The following LTBP1 variants were observed in gnomAD, a reference collection of about 807,000 sequenced individuals.
LTBP1 encodes latent-transforming growth factor beta-binding protein 1.
A neutral mutation model predicts 207.6 loss-of-function variants in LTBP1; 129 were observed. The observed-to-expected ratio is 0.62, with a 90% confidence interval of 0.54 to 0.72. LTBP1 has a LOEUF of 0.72. Ranked by LOEUF, LTBP1 falls within the 30% of genes least tolerant of loss-of-function variation. The pLI is 0.00. For synonymous variants in LTBP1, 963 were observed against 833.7 expected (o/e 1.16, Z -2.67); for missense variants, 2,281 against 2,217.2 (o/e 1.03, Z -0.58).
chr2:33,169,486 G>A (rs996642094), intron 5 of LTBP1, among the ~76,000 whole-genome samples: 2 of 152,162 alleles, frequency 1.3e-5, no homozygotes, highest in Non-Finnish European at 2.9e-5. Flanking sequence ...GTGGGTAAAA[G>A]CTCCAGATGG....
At chr2:33,315,065 T>A in intron 23 of LTBP1, 79 bp from the exon 24 acceptor site, 1 of 1,155,686 alleles carries the variant, frequency 8.7e-7, no homozygotes. Flanking sequence ...CATAATAGAT[T>A]TATTTGCCAT....
chr2:33,136,913 G>A (rs114968013), intron 5 of LTBP1, among the ~76,000 whole-genome samples: 8 of 152,322 alleles, frequency 5.3e-5, no homozygotes, highest in Non-Finnish European at 1.0e-4. Flanking sequence ...GATCGGCAGA[G>A]CAGTTTAATT....
At chr2:33,370,523 A>G (rs1343900515) in intron 31 of LTBP1, among the ~76,000 whole-genome samples, 2 of 152,224 alleles carry the variant, frequency 1.3e-5, no homozygotes, top group African/African-American at 4.8e-5. Context: ...GGAGGAAGCA[A>G]AGCTCTAGAG....
intron 31 of LTBP1, among the ~76,000 whole-genome samples, chr2:33,378,987 C>CAG (rs2095179033): frequency 6.6e-6 from 1 of 152,120 alleles, no homozygotes; most frequent in Non-Finnish European, 1.5e-5. Flanking sequence ...TGCTAAGCAT[C>CAG]AGTAGCCACT....
intron 15 of LTBP1, among the ~76,000 whole-genome samples, chr2:33,266,483 C>T (rs2093180276): frequency 6.6e-6 from 1 of 152,140 alleles, no homozygotes; most frequent in Non-Finnish European, 1.5e-5. Flanking sequence ...GCCAGGCTGC[C>T]AGTTCCAGGT....
intron 7 of LTBP1, among the ~76,000 whole-genome samples, chr2:33,203,058 T>A (rs1004470339): frequency 5.6e-5 from 6 of 106,450 alleles, no homozygotes; most frequent in African/African-American, 2.2e-4. Flanking sequence ...AATATTTAAT[T>A]GAGTGTTACT....
At chr2:33,358,043 G>T (rs1352718444) in intron 26 of LTBP1, among the ~76,000 whole-genome samples, 1 of 152,198 alleles carries the variant, frequency 6.6e-6, no homozygotes, top group East Asian at 1.9e-4. Flanking sequence ...ATTACTTAAA[G>T]ACTAGGAAGA....
intron 11 of LTBP1, among the ~76,000 whole-genome samples, chr2:33,255,013 G>T (rs937084404): frequency 7.0e-6 from 1 of 143,726 alleles, no homozygotes; most frequent in Non-Finnish European, 1.5e-5. Flanking sequence ...TGCCATGCTG[G>T]TGCGCTGCAC....
chr2:32,965,474 C>G (rs1341906536), intron 2 of LTBP1, among the ~76,000 whole-genome samples: 1 of 152,158 alleles, frequency 6.6e-6, no homozygotes, highest in Admixed American at 6.5e-5. Context: ...TGTGCCCTGC[C>G]TACTCATCCC....
intron 14 of LTBP1, 57 bp downstream of exon 14, chr2:33,262,878 G>T (rs574971812): frequency 1.5e-6 from 2 of 1,306,318 alleles, no homozygotes; most frequent in Admixed American, 2.1e-5. Flanking sequence ...AATGTAAGAC[G>T]GGAAATTTTT....
intron 5 of LTBP1, among the ~76,000 whole-genome samples, chr2:33,185,349 A>C (rs1481546924): frequency 6.6e-6 from 1 of 152,108 alleles, no homozygotes; most frequent in Admixed American, 6.6e-5. Context: ...TGGTGGATGG[A>C]GGTATTGGAG....
chr2:33,245,152 T>C (rs1246400790), intron 10 of LTBP1, among the ~76,000 whole-genome samples: 1 of 152,182 alleles, frequency 6.6e-6, no homozygotes, highest in Non-Finnish European at 1.5e-5. Context: ...AGTGCTGGGA[T>C]TATAGGTGTG....
chr2:33,169,051 G>T (rs1317036793), intron 5 of LTBP1, among the ~76,000 whole-genome samples: 1 of 152,208 alleles, frequency 6.6e-6, no homozygotes, highest in African/African-American at 2.4e-5. Flanking sequence ...ATAAAAAGGA[G>T]TTGTAGTCGG....
At chr2:33,161,033 A>G (rs1370379788) in intron 5 of LTBP1, among the ~76,000 whole-genome samples, 1 of 152,174 alleles carries the variant, frequency 6.6e-6, no homozygotes, top group East Asian at 1.9e-4. Context: ...ATAGCATGGT[A>G]GACTTTGAGT....
chr2:33,225,828 G>A (rs1360949444), intron 9 of LTBP1, among the ~76,000 whole-genome samples: 2 of 152,138 alleles, frequency 1.3e-5, no homozygotes, highest in African/African-American at 2.4e-5. Flanking sequence ...GTGAGAGTAT[G>A]TGGTGTTTAA....
intron 3 of LTBP1, among the ~76,000 whole-genome samples, chr2:33,108,513 G>T (rs2080197829): frequency 1.3e-5 from 2 of 152,070 alleles, no homozygotes; most frequent in Admixed American, 6.5e-5. Context: ...CCACATGTAT[G>T]CTTTCAGCTC....
chr2:32,971,811 C>T (rs1368308468), intron 2 of LTBP1, among the ~76,000 whole-genome samples: 1 of 152,024 alleles, frequency 6.6e-6, no homozygotes, highest in African/African-American at 2.4e-5. Flanking sequence ...ATGATGCTGG[C>T]CTCGTAGAAT....
intron 2 of LTBP1, among the ~76,000 whole-genome samples, chr2:32,971,034 G>GTC (rs1558455365): frequency 4.7e-5 from 7 of 149,844 alleles, no homozygotes; most frequent in African/African-American, 1.7e-4. Flanking sequence ...GTGTGTGTGT[G>GTC]TGTGTGTGTC....
At chr2:33,179,442 A>G (rs1041015795) in intron 5 of LTBP1, among the ~76,000 whole-genome samples, 2 of 150,314 alleles carry the variant, frequency 1.3e-5, no homozygotes, top group Admixed American at 6.6e-5. Flanking sequence ...TGTCAAATAA[A>G]TGCATATATT....
Sources: gnomAD v4.1 joint callset for allele counts (sites outside exome capture counted in the v4.1 genomes callset) on GRCh38, gnomAD v4.1.1 for gene constraint, MANE v1.5 for transcripts, NCBI Gene and HGNC (gene_info 2026-07-23, HGNC 2026-07-21) for gene names.